The following PIAS2 variants were observed in gnomAD, a reference collection of about 807,000 sequenced individuals.
The protein encoded by PIAS2 is E3 SUMO-protein ligase PIAS2.
PIAS2 carries 19 observed loss-of-function variants against 69.7 expected under a neutral mutation model. The ratio of observed to expected loss-of-function variants is 0.27; its 90% CI spans 0.19 to 0.40. The LOEUF is 0.40. Among genes scored for constraint, PIAS2 ranks in the 10% least tolerant of loss-of-function variants. The probability of loss-of-function intolerance (pLI) is 1.00; values close to 1 mark genes in which losing one functional copy is unlikely to be tolerated. For missense variants in PIAS2, 624 were observed against 757.0 expected (o/e 0.82, Z 2.06); for synonymous variants, 261 against 263.2 (o/e 0.99, Z 0.08).
intron 1 of PIAS2, among the ~76,000 whole-genome samples, chr18:46,903,101 A>G (rs2056128362): frequency 6.6e-6 from 1 of 152,228 alleles, no homozygotes; most frequent in Admixed American, 6.5e-5. Flanking sequence ...ATAAAACTGT[A>G]AAACTTTTTT....
chr18:46,862,831 G>A (rs1269966067), intron 3 of PIAS2, among the ~76,000 whole-genome samples: 1 of 151,884 alleles, frequency 6.6e-6, no homozygotes, highest in Non-Finnish European at 1.5e-5. Flanking sequence ...TCAGCTTTCC[G>A]AGTAGCAGGG....
chr18:46,883,532 C>T (rs956589932), intron 2 of PIAS2, among the ~76,000 whole-genome samples: 18 of 151,790 alleles, frequency 1.2e-4, no homozygotes, highest in Non-Finnish European at 2.5e-4. Flanking sequence ...GAGAGACCTC[C>T]TCTCCACAAA....
rs902819515 is a variant in PIAS2, at chr18:46,809,121, G to A, written c.*3312C>T. On this transcript the variant is annotated 3_prime_UTR_variant, in exon 14 of 14. Coordinates refer to ENST00000585916, the MANE Select transcript of PIAS2 (RefSeq NM_004671.5). ...CTTTCTTCAAATTCCTCAAGACTAAGGAAAACTTGGTTTTATACCAAGAAT... is the reference window on the plus strand; with the variant it reads ...CTTTCTTCAAATTCCTCAAGACTAAAGAAAACTTGGTTTTATACCAAGAAT... 6.6e-6 allele frequency: 1 copy of A among 152,080 alleles called. No homozygotes were observed. Among genetic ancestry groups the A allele is most frequent in the Admixed American group, 6.5e-5 (1 of 15,276 alleles). 9.4% of individuals were successfully genotyped at this position (152,080 alleles called of 1,614,324 possible). A position where few individuals can be genotyped will look rare whatever the true frequency, so the allele number is the denominator to read the frequency against.
At chr18:46,816,726 C>A in intron 12 of PIAS2, 1 of 892,708 alleles carries the variant, frequency 1.1e-6, no homozygotes, top group Non-Finnish European at 1.3e-6. Context: ...CCTCAGCCTC[C>A]CAAAGTGCTG....
chr18:46,841,314 T>C (rs1436903735), intron 8 of PIAS2, among the ~76,000 whole-genome samples: 1 of 152,200 alleles, frequency 6.6e-6, no homozygotes, highest in Non-Finnish European at 1.5e-5. Flanking sequence ...ATTTATTCTA[T>C]CACCCTACAC....
chr18:46,892,199 C>G (rs2146011275), intron 1 of PIAS2, among the ~76,000 whole-genome samples: 1 of 152,096 alleles, frequency 6.6e-6, no homozygotes, highest in Admixed American at 6.6e-5. Flanking sequence ...CAGGGACGGC[C>G]CAGAAGCAAC....
At chr18:46,887,494 C>T (rs944301278) in intron 2 of PIAS2, among the ~76,000 whole-genome samples, 7 of 152,220 alleles carry the variant, frequency 4.6e-5, no homozygotes, top group East Asian at 1.9e-4. Flanking sequence ...TGAAATGTTA[C>T]TTCCCAATTT....
chr18:46,844,324 G>C (rs1235050989), intron 7 of PIAS2, among the ~76,000 whole-genome samples, 197 bp from the exon 8 acceptor site: 1 of 152,000 alleles, frequency 6.6e-6, no homozygotes, highest in African/African-American at 2.4e-5. Context: ...CTTTTTAAAA[G>C]TAAAACTGCT....
In PIAS2 at chr18:46,832,416, A is replaced by AAAACAAAC. The variant is rs555137415; in HGVS notation, c.1203-2557_1203-2550dup. Among the ~76,000 whole-genome samples, 14 of 150,648 alleles carry AAAACAAAC rather than the reference A, an allele frequency of 9.3e-5. No individual in the cohort carries two copies. In the South Asian group the frequency reaches 2.5e-3, roughly 27 times the overall value. On this transcript the variant is annotated intron_variant, in intron 9 of 13. Coordinates refer to ENST00000585916, the MANE Select transcript of PIAS2 (RefSeq NM_004671.5). ...GGGCGACAGAGCGAAACTCCATCTCAAAACAAACAAACAAACAAACAAACA... is the reference window on the plus strand; with the variant it reads ...GGGCGACAGAGCGAAACTCCATCTCAAAACAAACAAACAAACAAACAAACAAACAAACA...
chr18:46,847,146 C>T (rs2046270329), intron 5 of PIAS2, among the ~76,000 whole-genome samples: 1 of 152,242 alleles, frequency 6.6e-6, no homozygotes, highest in East Asian at 1.9e-4. Context: ...GGACACCAAG[C>T]TTTACAGATA....
chr18:46,879,587 T>A (rs937235554), intron 2 of PIAS2, among the ~76,000 whole-genome samples: 1 of 152,114 alleles, frequency 6.6e-6, no homozygotes, highest in East Asian at 1.9e-4. Context: ...AAAAACAGAA[T>A]CTTGAAGAGA....
intron 2 of PIAS2, among the ~76,000 whole-genome samples, chr18:46,881,662 T>C (rs549013140): frequency 3.5e-4 from 53 of 152,306 alleles, no homozygotes; most frequent in African/African-American, 1.2e-3. Context: ...ATGCAGTAAC[T>C]GACCTTTAGA....
chr18:46,837,563 G>A (rs779426245), intron 8 of PIAS2, among the ~76,000 whole-genome samples: 15 of 152,040 alleles, frequency 9.9e-5, no homozygotes, highest in South Asian at 2.1e-4. Flanking sequence ...ATAAGAAATC[G>A]TGTGTAATAT....
At chr18:46,915,703 A>G (rs1316980364) in intron 1 of PIAS2, 1 of 152,146 alleles carries the variant, frequency 6.6e-6, no homozygotes, top group African/African-American at 2.4e-5. Context: ...TCTGCTCTAT[A>G]AGAGCGAGTA....
Position 46,846,158 on chromosome 18 carries a change from T to C in PIAS2, c.861+549A>G, listed in dbSNP as rs527566008. 4.1e-4 allele frequency among the ~76,000 whole-genome samples: 63 copies of C among 152,300 alleles called. No individual in the cohort carries two copies. The South Asian group carries it at 6.4e-3, about 16-fold the overall frequency. ...ATTAACTGGTATCTCAAAATTGACA[T>C]AATTTATTATAAGACCAAAAATCAA... On this transcript the variant is annotated intron_variant, in intron 6 of 13. Coordinates refer to ENST00000585916, the MANE Select transcript of PIAS2 (RefSeq NM_004671.5).
intron 2 of PIAS2, among the ~76,000 whole-genome samples, chr18:46,874,412 T>C (rs745515758): frequency 7.9e-5 from 12 of 152,066 alleles, no homozygotes; most frequent in Non-Finnish European, 1.5e-4. Context: ...ATTCAGATAA[T>C]AGAACCCACT....
chr18:46,829,229 T>C (rs1422839511), intron 10 of PIAS2, among the ~76,000 whole-genome samples: 2 of 152,174 alleles, frequency 1.3e-5, no homozygotes, highest in East Asian at 1.9e-4. Context: ...AGTTGATGGA[T>C]GAGTATACAT....
At chr18:46,874,372 T>C (rs1340276860) in intron 2 of PIAS2, among the ~76,000 whole-genome samples, 1 of 152,134 alleles carries the variant, frequency 6.6e-6, no homozygotes, top group African/African-American at 2.4e-5. Context: ...AAAAATATCA[T>C]ACCTAGGTTT....
intron 2 of PIAS2, 116 bp from the exon 3 acceptor site, chr18:46,864,364 T>C (rs1465381652): frequency 3.1e-6 from 2 of 640,008 alleles, no homozygotes; most frequent in East Asian, 5.6e-5. Context: ...AACGTTATGG[T>C]TAAAATACTC....
Sources: allele counts gnomAD v4.1 joint callset (sites outside exome capture counted in the v4.1 genomes callset), GRCh38; gene constraint gnomAD v4.1.1; transcripts MANE v1.5; gene names NCBI Gene and HGNC (gene_info 2026-07-23, HGNC 2026-07-21).